The following LARGE1 variants were observed in gnomAD, a reference collection of about 807,000 sequenced individuals.
LARGE1 encodes the protein LARGE xylosyl- and glucuronyltransferase 1.
In LARGE1, 43 loss-of-function variants were observed where a neutral mutation model predicts 87.6. The ratio of observed to expected loss-of-function variants is 0.49; its 90% CI spans 0.38 to 0.63. LARGE1 has a LOEUF of 0.63. LARGE1 is among the 30% of genes least tolerant of loss of function. LARGE1 has a pLI of 0.00. For missense variants in LARGE1, 802 were observed against 1,000.2 expected, an observed-to-expected ratio of 0.80 and a Z score of 2.67; for synonymous variants, 434 against 394.6, an observed-to-expected ratio of 1.10 and a Z score of -1.18.
intron 10 of LARGE1, among the ~76,000 whole-genome samples, chr22:33,318,518 C>T (rs1217830320): frequency 6.6e-6 from 1 of 151,694 alleles, no homozygotes; most frequent in African/African-American, 2.4e-5. Flanking sequence ...CACTGTTGGA[C>T]ATTTGGCTTG....
chr22:33,259,316 G>A lies in LARGE1; in HGVS notation c.1730+44913C>T, dbSNP rs999536841. ...ATTACTATCCACGAGAAATCCAAAGGGCAACACACACACACACACACACAC... is the reference window on the plus strand; with the variant it reads ...ATTACTATCCACGAGAAATCCAAAGAGCAACACACACACACACACACACAC... On this transcript the variant is annotated intron_variant, in intron 11 of 11. Coordinates refer to the LARGE1 transcript ENST00000608642. Among the ~76,000 whole-genome samples, 4 of 121,168 alleles carry A rather than the reference G, an allele frequency of 3.3e-5. No individual in the cohort carries two copies. The South Asian group carries it at 1.2e-3, about 35-fold the overall frequency. The allele number at this position is 121,168 out of a possible 152,430, so 79.5% of individuals were successfully genotyped here.
the LARGE1 span, among the ~76,000 whole-genome samples, chr22:33,071,805 C>T: frequency 2.0e-5 from 3 of 152,164 alleles, no homozygotes; most frequent in Non-Finnish European, 4.4e-5. Flanking sequence ...CAGGGGCCCA[C>T]GTTTGGGAAC....
intron 1 of LARGE1, among the ~76,000 whole-genome samples, chr22:33,881,760 A>T (rs927163668): frequency 2.3e-4 from 35 of 152,238 alleles, no homozygotes; most frequent in Non-Finnish European, 7.3e-5. Flanking sequence ...TCAGGAAACA[A>T]GTTACAATGT....
At chr22:33,448,820 G>A (rs949133068) in intron 6 of LARGE1, among the ~76,000 whole-genome samples, 4 of 152,150 alleles carry the variant, frequency 2.6e-5, no homozygotes, top group Non-Finnish European at 4.4e-5. Context: ...ACTGGGTGCA[G>A]TCATGGGTAG....
chr22:33,688,275 G>A (rs1357788612), intron 2 of LARGE1, among the ~76,000 whole-genome samples: 1 of 152,188 alleles, frequency 6.6e-6, no homozygotes, highest in African/African-American at 2.4e-5. Context: ...CTAGCCCATA[G>A]GAAGCAGTAG....
intron 6 of LARGE1, among the ~76,000 whole-genome samples, chr22:33,482,564 A>G (rs1375332886): frequency 6.6e-6 from 1 of 152,132 alleles, no homozygotes; most frequent in Non-Finnish European, 1.5e-5. Context: ...GGGCTAGGGG[A>G]GAGAGAGCAT....
At chr22:33,230,047 C>T (rs1364412143) in intron 11 of LARGE1, among the ~76,000 whole-genome samples, 3 of 113,530 alleles carry the variant, frequency 2.6e-5, no homozygotes, top group South Asian at 3.0e-4. Context: ...GAGTTTTGCT[C>T]GGTCACCAGG....
chr22:33,184,088 C>CTATATATATATATATATATATATATA (rs144013990), intron 11 of LARGE1, among the ~76,000 whole-genome samples: 1,291 of 104,868 alleles, frequency 0.012, 69 homozygotes, highest in African/African-American at 0.024. Flanking sequence ...AATCAGTACA[C>CTATATATATATATATATATATATATA]TATATATATA....
chr22:33,126,458 T>C, the LARGE1 span, among the ~76,000 whole-genome samples: 5 of 152,200 alleles, frequency 3.3e-5, no homozygotes, highest in African/African-American at 1.2e-4. Flanking sequence ...AAAAATTTTG[T>C]ATCGTGCATT....
chr22:33,858,235 T>C (rs944084081), intron 1 of LARGE1, among the ~76,000 whole-genome samples: 1 of 152,200 alleles, frequency 6.6e-6, no homozygotes, highest in Non-Finnish European at 1.5e-5. Context: ...AGGAGCCCAG[T>C]GGACATCCTG....
chr22:33,257,096 T>A (rs192338712), intron 11 of LARGE1, among the ~76,000 whole-genome samples: 1 of 152,078 alleles, frequency 6.6e-6, no homozygotes, highest in African/African-American at 2.4e-5. Context: ...TCCCAGCTAC[T>A]CTGGAGGCTG....
At chr22:33,775,878 G>A (rs939716814) in intron 1 of LARGE1, among the ~76,000 whole-genome samples, 1 of 150,692 alleles carries the variant, frequency 6.6e-6, no homozygotes, top group Admixed American at 6.6e-5. Context: ...AGACTCAGGA[G>A]GGTGGGATGC....
intron 10 of LARGE1, 86 bp from the exon 11 acceptor site, chr22:33,316,334 T>G: frequency 1.5e-6 from 2 of 1,344,620 alleles, no homozygotes; most frequent in Non-Finnish European, 2.1e-6. Context: ...TGCCCTCCCC[T>G]GAGTTTATTA....
chr22:33,353,181 G>A (rs1481203368), intron 9 of LARGE1, among the ~76,000 whole-genome samples: 1 of 152,212 alleles, frequency 6.6e-6, no homozygotes, highest in Non-Finnish European at 1.5e-5. Flanking sequence ...ACAAAGATGT[G>A]TGATTAGCAA....
intron 2 of LARGE1, among the ~76,000 whole-genome samples, chr22:33,670,709 T>C (rs1195360937): frequency 9.2e-5 from 14 of 152,124 alleles, no homozygotes; most frequent in African/African-American, 3.4e-4. Flanking sequence ...TAAAAAACAA[T>C]AACTGCATGG....
At chr22:33,118,078 G>C in the LARGE1 span, among the ~76,000 whole-genome samples, 1 of 152,124 alleles carries the variant, frequency 6.6e-6, no homozygotes, top group African/African-American at 2.4e-5. Context: ...TAAATGGATT[G>C]TATAATAAAA....
chr22:33,451,848 C>T (rs980467298), intron 6 of LARGE1, among the ~76,000 whole-genome samples: 6 of 151,652 alleles, frequency 4.0e-5, no homozygotes, highest in African/African-American at 1.2e-4. Flanking sequence ...TGAGCCACCG[C>T]CCCCGGCCGG....
At chr22:33,208,433 C>A (rs1369273508) in intron 11 of LARGE1, among the ~76,000 whole-genome samples, 1 of 152,188 alleles carries the variant, frequency 6.6e-6, no homozygotes, top group Non-Finnish European at 1.5e-5. Context: ...AACTATGTCA[C>A]AAAGATCAAA....
chr22:33,111,841 T>C, the LARGE1 span, among the ~76,000 whole-genome samples: 1 of 152,282 alleles, frequency 6.6e-6, no homozygotes, highest in East Asian at 1.9e-4. Flanking sequence ...GGAGGAATTA[T>C]GGGGCGGGGA....
Sources: gnomAD v4.1 joint callset for allele counts (sites outside exome capture counted in the v4.1 genomes callset) on GRCh38, gnomAD v4.1.1 for gene constraint, MANE v1.5 for transcripts, NCBI Gene and HGNC (gene_info 2026-07-23, HGNC 2026-07-21) for gene names.